CNTNAP5: variants seen among roughly 807,000 people sequenced by gnomAD.
CNTNAP5 encodes the protein contactin-associated protein-like 5.
In CNTNAP5, 72 loss-of-function variants were observed where a neutral mutation model predicts 150.2. The observed-to-expected ratio is 0.48, with a 90% CI of 0.40 to 0.58. CNTNAP5 has a LOEUF of 0.58. Ranked by LOEUF, CNTNAP5 falls within the 20% of genes least tolerant of loss-of-function variation. CNTNAP5 has a pLI of 0.00. For missense variants in CNTNAP5, 1,636 were observed against 1,626.2 expected (o/e 1.01, Z -0.10); for synonymous variants, 672 against 619.8 (o/e 1.08, Z -1.25).
chr2:124,334,288 T>C (rs1373515185), intron 3 of CNTNAP5, among the ~76,000 whole-genome samples: 1 of 151,960 alleles, frequency 6.6e-6, no homozygotes, highest in Non-Finnish European at 1.5e-5. Flanking sequence ...TTAAGAAAAA[T>C]ATATCAAGGG....
chr2:124,439,014 C>G (rs1291027336), intron 5 of CNTNAP5, among the ~76,000 whole-genome samples: 1 of 152,006 alleles, frequency 6.6e-6, no homozygotes, highest in Non-Finnish European at 1.5e-5. Flanking sequence ...TGACATTAAT[C>G]ACTAAAATGT....
chr2:124,504,727 G>C (rs1446886460), intron 8 of CNTNAP5, among the ~76,000 whole-genome samples, 171 bp downstream of exon 8: 1 of 47,948 alleles, frequency 2.1e-5, no homozygotes, highest in African/African-American at 8.1e-5. Flanking sequence ...TTTTTTTTTT[G>C]AAGATGGAGT....
chr2:124,885,237 A>C (rs1206165203), intron 21 of CNTNAP5, among the ~76,000 whole-genome samples: 3 of 151,958 alleles, frequency 2.0e-5, no homozygotes, highest in Non-Finnish European at 4.4e-5. Context: ...AAGGTCTTGC[A>C]ATTGATTGAA....
rs754431749 is a variant in CNTNAP5, at chr2:124,465,473, G to A, written c.919-9266G>A. Reference sequence around the variant, plus strand: ...AGAAAAGTAAGAAAAGAAAGAGACCGAATTGCCAAAAAAGACAATGAGGCA... The same window carrying A: ...AGAAAAGTAAGAAAAGAAAGAGACCAAATTGCCAAAAAAGACAATGAGGCA... On this transcript the variant is annotated intron_variant, in intron 6 of 23. Coordinates refer to ENST00000682447, the MANE Select transcript of CNTNAP5 (RefSeq NM_001367498.1). 6.6e-5 allele frequency among the ~76,000 whole-genome samples: 10 copies of A among 152,110 alleles called. No individual in the cohort carries two copies. The South Asian group carries it at 8.3e-4, about 13-fold the overall frequency.
chr2:124,032,336 G>A (rs1558731473), intron 1 of CNTNAP5, among the ~76,000 whole-genome samples: 1 of 152,040 alleles, frequency 6.6e-6, no homozygotes, highest in Admixed American at 6.6e-5. Context: ...AGAGTTGTAG[G>A]TAAGCATGAG....
At chr2:124,320,092 C>G (rs530414229) in intron 3 of CNTNAP5, among the ~76,000 whole-genome samples, 2 of 152,228 alleles carry the variant, frequency 1.3e-5, no homozygotes, top group African/African-American at 4.8e-5. Flanking sequence ...AACACCCACT[C>G]TGATTCCATT....
intron 13 of CNTNAP5, among the ~76,000 whole-genome samples, chr2:124,719,374 T>C (rs1007761587): frequency 6.6e-6 from 1 of 152,112 alleles, no homozygotes; most frequent in African/African-American, 2.4e-5. Context: ...GTTTGGAAAA[T>C]GAATGAAATC....
intron 5 of CNTNAP5, among the ~76,000 whole-genome samples, chr2:124,438,751 T>A (rs1692599935): frequency 6.6e-6 from 1 of 152,236 alleles, no homozygotes; most frequent in Non-Finnish European, 1.5e-5. Context: ...TTATCATGTT[T>A]CTCAAATTGT....
chr2:124,139,989 G>T (rs1684071759), intron 1 of CNTNAP5, among the ~76,000 whole-genome samples: 1 of 152,192 alleles, frequency 6.6e-6, no homozygotes, highest in South Asian at 2.1e-4. Flanking sequence ...AGCGCAAGGG[G>T]TCAGGGAGTT....
At chr2:124,383,491 T>C (rs1558876931) in intron 3 of CNTNAP5, among the ~76,000 whole-genome samples, 1 of 152,186 alleles carries the variant, frequency 6.6e-6, no homozygotes, top group Non-Finnish European at 1.5e-5. Context: ...ACTTACATCA[T>C]TGTGCTTACA....
intron 22 of CNTNAP5, among the ~76,000 whole-genome samples, chr2:124,909,034 T>C (rs1340197711): frequency 6.6e-6 from 1 of 152,076 alleles, no homozygotes; most frequent in East Asian, 1.9e-4. Flanking sequence ...GATAATTTAT[T>C]ATTAAAGAAA....
intron 1 of CNTNAP5, among the ~76,000 whole-genome samples, chr2:124,127,050 T>C (rs933101525): frequency 5.9e-5 from 9 of 152,182 alleles, no homozygotes; most frequent in Admixed American, 5.9e-4. Context: ...CTGTTGGAAG[T>C]TCTGGCCGGA....
At chr2:124,404,478 G>A (rs1691517773) in intron 3 of CNTNAP5, among the ~76,000 whole-genome samples, 1 of 152,146 alleles carries the variant, frequency 6.6e-6, no homozygotes, top group East Asian at 1.9e-4. Context: ...TAGCCTCACA[G>A]TGTCTCCCCA....
chr2:124,729,648 A>G (rs1343914893), intron 13 of CNTNAP5, among the ~76,000 whole-genome samples: 1 of 152,078 alleles, frequency 6.6e-6, no homozygotes, highest in Non-Finnish European at 1.5e-5. Context: ...TAATGGTACG[A>G]CCAATTATCA....
chr2:124,328,840 G>A (rs1689282011), intron 3 of CNTNAP5, among the ~76,000 whole-genome samples: 1 of 152,146 alleles, frequency 6.6e-6, no homozygotes, highest in South Asian at 2.1e-4. Flanking sequence ...TGGGGAAAAG[G>A]GTAAGCTTCC....
intron 17 of CNTNAP5, among the ~76,000 whole-genome samples, chr2:124,773,947 T>TGTGTGA (rs869292328): frequency 4.1e-5 from 5 of 121,060 alleles, no homozygotes; most frequent in African/African-American, 1.7e-4. Flanking sequence ...TGTGTGTGTG[T>TGTGTGA]GAGAGAGAGA....
chr2:124,400,062 C>T (rs188160568), intron 3 of CNTNAP5, among the ~76,000 whole-genome samples: 1 of 151,414 alleles, frequency 6.6e-6, no homozygotes, highest in Non-Finnish European at 1.5e-5. Context: ...TTCAGATTCC[C>T]GAGGAGCACT....
intron 3 of CNTNAP5, among the ~76,000 whole-genome samples, chr2:124,319,812 G>A (rs779978): frequency 0.015 from 2,214 of 152,210 alleles, 60 homozygotes; most frequent in African/African-American, 0.05. Context: ...TGGGAAGGTG[G>A]CAAAATTGCC....
chr2:124,515,459 C>G (rs929357233), intron 8 of CNTNAP5, among the ~76,000 whole-genome samples: 2 of 152,208 alleles, frequency 1.3e-5, no homozygotes, highest in African/African-American at 4.8e-5. Context: ...AAAGAGAAAT[C>G]ACCCTGCACT....
Sources: allele counts gnomAD v4.1 joint callset (sites outside exome capture counted in the v4.1 genomes callset), GRCh38; gene constraint gnomAD v4.1.1; transcripts MANE v1.5; gene names NCBI Gene and HGNC (gene_info 2026-07-23, HGNC 2026-07-21).